The following CTNND2 variants were observed in gnomAD, a reference collection of about 807,000 sequenced individuals.
The protein encoded by CTNND2 is catenin delta 2.
In CTNND2, 22 loss-of-function variants were observed where a neutral mutation model predicts 144.4. The ratio of observed to expected loss-of-function variants is 0.15; its 90% CI spans 0.11 to 0.22. CTNND2 has a LOEUF of 0.22. Among genes scored for constraint, CTNND2 ranks in the 10% least tolerant of loss-of-function variants. CTNND2 has a pLI of 1.00. For missense variants in CTNND2, 1,353 were observed against 1,618.8 expected, an observed-to-expected ratio of 0.84 and a Z score of 2.82; for synonymous variants, 751 against 695.6, an observed-to-expected ratio of 1.08 and a Z score of -1.25.
chr5:11,687,267 T>C (rs1561694266), intron 2 of CTNND2, among the ~76,000 whole-genome samples: 1 of 152,244 alleles, frequency 6.6e-6, no homozygotes. Context: ...TCAATGACTG[T>C]CACATGTACC....
At chr5:11,695,247 C>T (rs1462186057) in intron 2 of CTNND2, among the ~76,000 whole-genome samples, 2 of 152,132 alleles carry the variant, frequency 1.3e-5, no homozygotes, top group African/African-American at 4.8e-5. Context: ...TTTGTCATAT[C>T]TTGTCACATT....
intron 5 of CTNND2, among the ~76,000 whole-genome samples, chr5:11,408,208 TC>T (rs1174671848): frequency 6.6e-6 from 1 of 152,132 alleles, no homozygotes; most frequent in Non-Finnish European, 1.5e-5. Context: ...TAAATTCTGT[TC>T]AGTTAAACTC....
chr5:11,899,242 A>G (rs1737664071), intron 1 of CTNND2, among the ~76,000 whole-genome samples: 1 of 152,180 alleles, frequency 6.6e-6, no homozygotes, highest in Non-Finnish European at 1.5e-5. Context: ...CGGATGTGTA[A>G]TATCTGACCT....
chr5:11,443,630 G>A (rs1207682092), intron 3 of CTNND2, among the ~76,000 whole-genome samples: 1 of 151,910 alleles, frequency 6.6e-6, no homozygotes, highest in African/African-American at 2.4e-5. Flanking sequence ...GGTATGTATG[G>A]TTACCCTAAG....
intron 2 of CTNND2, among the ~76,000 whole-genome samples, chr5:11,598,645 T>A (rs757861464): frequency 6.6e-6 from 1 of 152,192 alleles, no homozygotes; most frequent in Non-Finnish European, 1.5e-5. Flanking sequence ...CTATTTCTTA[T>A]AGTCTTAATA....
intron 1 of CTNND2, among the ~76,000 whole-genome samples, chr5:11,803,349 A>C (rs1791801905): frequency 6.6e-6 from 1 of 151,988 alleles, no homozygotes; most frequent in Non-Finnish European, 1.5e-5. Context: ...TATGCACAAG[A>C]GTGCACAAGA....
chr5:11,727,413 C>T (rs753376051), intron 2 of CTNND2, among the ~76,000 whole-genome samples: 1 of 152,158 alleles, frequency 6.6e-6, no homozygotes, highest in Admixed American at 6.5e-5. Flanking sequence ...CCCAGTTCCA[C>T]GGACTCCTAG....
intron 1 of CTNND2, among the ~76,000 whole-genome samples, chr5:11,776,908 A>C (rs1004772976): frequency 6.6e-6 from 1 of 152,206 alleles, no homozygotes; most frequent in Non-Finnish European, 1.5e-5. Context: ...GCATCCCATA[A>C]TAAATCATTA....
At chr5:11,889,272 G>A (rs892204719) in intron 1 of CTNND2, among the ~76,000 whole-genome samples, 2 of 152,096 alleles carry the variant, frequency 1.3e-5, no homozygotes, top group African/African-American at 4.8e-5. Context: ...ACACACCACA[G>A]GTAACACATT....
At chr5:11,743,753 T>A (rs72734956) in intron 1 of CTNND2, among the ~76,000 whole-genome samples, 25 of 152,040 alleles carry the variant, frequency 1.6e-4, no homozygotes, top group African/African-American at 5.3e-4. Context: ...GGAGAGCTGG[T>A]GGGATCTCAG....
chr5:11,529,331 A>T (rs945595930), intron 3 of CTNND2, among the ~76,000 whole-genome samples: 5 of 152,260 alleles, frequency 3.3e-5, no homozygotes, highest in African/African-American at 1.2e-4. Context: ...AATTTCAGTT[A>T]AAAAATTCAA....
chr5:11,740,983 G>A (rs555890696), intron 1 of CTNND2, among the ~76,000 whole-genome samples: 3 of 152,254 alleles, frequency 2.0e-5, no homozygotes, highest in South Asian at 4.1e-4. Flanking sequence ...ATCGTCACTG[G>A]TCATCAGAGA....
chr5:11,868,535 A>G (rs1349351770), intron 1 of CTNND2, among the ~76,000 whole-genome samples: 1 of 152,220 alleles, frequency 6.6e-6, no homozygotes, highest in African/African-American at 2.4e-5. Context: ...TGACTTGAAT[A>G]GACATTACTC....
chr5:11,628,034 C>A (rs1454689592), intron 2 of CTNND2, among the ~76,000 whole-genome samples: 1 of 151,960 alleles, frequency 6.6e-6, no homozygotes, highest in African/African-American at 2.4e-5. Context: ...CGGCCAGGTA[C>A]CTAACAGGCC....
chr5:11,139,303 T>C (rs1756468751), intron 12 of CTNND2, among the ~76,000 whole-genome samples: 1 of 152,196 alleles, frequency 6.6e-6, no homozygotes, highest in Admixed American at 6.5e-5. Flanking sequence ...GGAGAAAGCA[T>C]CTTGTTACCC....
At chr5:11,302,846 T>G (rs576530218) in intron 9 of CTNND2, among the ~76,000 whole-genome samples, 4 of 152,190 alleles carry the variant, frequency 2.6e-5, no homozygotes, top group Non-Finnish European at 5.9e-5. Context: ...CTGGTAGGTT[T>G]CACAATGTAG....
chr5:11,397,909 A>C (rs1760290431), intron 5 of CTNND2, among the ~76,000 whole-genome samples: 1 of 152,194 alleles, frequency 6.6e-6, no homozygotes, highest in Non-Finnish European at 1.5e-5. Flanking sequence ...GTTGCATATG[A>C]AATTGTGTTT....
At chr5:11,031,130 G>A (rs1331069012) in intron 16 of CTNND2, among the ~76,000 whole-genome samples, 1 of 152,166 alleles carries the variant, frequency 6.6e-6, no homozygotes, top group Non-Finnish European at 1.5e-5. Context: ...AACATAAAGT[G>A]GATGAGGAGG....
intron 13 of CTNND2, among the ~76,000 whole-genome samples, chr5:11,116,052 A>C (rs748110786): frequency 6.6e-6 from 1 of 152,270 alleles, no homozygotes; most frequent in Non-Finnish European, 1.5e-5. Flanking sequence ...TTCTTAATCT[A>C]AGATGTACAT....
Sources: allele counts gnomAD v4.1 joint callset (sites outside exome capture counted in the v4.1 genomes callset), GRCh38; gene constraint gnomAD v4.1.1; transcripts MANE v1.5; gene names NCBI Gene and HGNC (gene_info 2026-07-23, HGNC 2026-07-21).